SLC17A1: variants seen among roughly 807,000 people sequenced by gnomAD.
SLC17A1 encodes the protein sodium-dependent phosphate transport protein 1.
A neutral mutation model predicts 53.5 loss-of-function variants in SLC17A1; 51 were observed. The observed-to-expected ratio is 0.95, with a 90% CI of 0.76 to 1.20. SLC17A1 has a LOEUF of 1.20. SLC17A1 is among the 50% of genes most tolerant of loss of function. The probability of loss-of-function intolerance (pLI) is 0.00; values close to 1 mark genes in which losing one functional copy is unlikely to be tolerated. For synonymous variants in SLC17A1, 179 were observed against 198.8 expected (o/e 0.90, Z 0.84); for missense variants, 538 against 568.2 (o/e 0.95, Z 0.54).
chr6:25,769,136 C>T, the SLC17A1 span: 2 of 1,613,976 alleles, frequency 1.2e-6, no homozygotes, highest in African/African-American at 1.3e-5. Flanking sequence ...CAGAACGGCC[C>T]TCCACTGACT....
chr6:25,732,737 A>G, the SLC17A1 span: 2 of 1,198,600 alleles, frequency 1.7e-6, no homozygotes, highest in Non-Finnish European at 2.4e-6. Flanking sequence ...CCGAGTGACA[A>G]TGGCTTAGGG....
the SLC17A1 span, among the ~76,000 whole-genome samples, chr6:25,769,658 A>G: frequency 1.5e-3 from 236 of 152,300 alleles, no homozygotes; most frequent in African/African-American, 5.0e-3. Flanking sequence ...GAGTGTAACC[A>G]GGGACTAAGT....
intron 12 of SLC17A1, among the ~76,000 whole-genome samples, chr6:25,785,941 T>C (rs2151472883): frequency 6.6e-6 from 1 of 152,258 alleles, no homozygotes; most frequent in African/African-American, 2.4e-5. Context: ...AAACCTAGAA[T>C]TACCACATGA....
chr6:25,813,005 T>C lies in SLC17A1; in HGVS notation c.736-13A>G, dbSNP rs776743841. On this transcript the variant is annotated splice_polypyrimidine_tract_variant and intron_variant, in intron 7 of 12. Transcript: ENST00000244527. ...TACTTGAACTGACCTGGAGAGAAATTCATTAAGAATTAGCACATTAGAACA... is the reference window on the plus strand; with the variant it reads ...TACTTGAACTGACCTGGAGAGAAATCCATTAAGAATTAGCACATTAGAACA... 1.9e-6 allele frequency: 3 copies of C among 1,613,700 alleles called. No homozygotes were observed. In the South Asian group the frequency reaches 3.3e-5, roughly 18 times the overall value.
At chr6:25,799,371 A>G (rs1206028990) in intron 11 of SLC17A1, among the ~76,000 whole-genome samples, 1 of 151,500 alleles carries the variant, frequency 6.6e-6, no homozygotes, top group Non-Finnish European at 1.5e-5. Context: ...ATTATTTCAT[A>G]TTTTCCATTG....
Position 25,829,552 on chromosome 6 carries a change from G to C in SLC17A1, c.34+972C>G, listed in dbSNP as rs532277407. ...AGTCATTGTCACCATGTCAGAGAAG[G>C]GCTCATTGTCTTAGTCATTTAGGGG... On this transcript the variant is annotated intron_variant, in intron 2 of 12. Transcript: ENST00000244527. 1.1e-4 allele frequency among the ~76,000 whole-genome samples: 16 copies of C among 152,184 alleles called. No homozygotes were observed. In the South Asian group the frequency reaches 2.9e-3, roughly 28 times the overall value.
intron 12 of SLC17A1, among the ~76,000 whole-genome samples, chr6:25,784,366 C>CAAG (rs910732374): frequency 6.6e-6 from 1 of 152,082 alleles, no homozygotes; most frequent in Non-Finnish European, 1.5e-5. Context: ...GCAGGCTGTA[C>CAAG]AAGAAGCATG....
chr6:25,725,007 G>T, the SLC17A1 span, among the ~76,000 whole-genome samples: 2 of 113,094 alleles, frequency 1.8e-5, no homozygotes, highest in East Asian at 2.7e-4. Flanking sequence ...TTTTTTTTTG[G>T]TAACCAAATG....
At chr6:25,765,795 G>T in the SLC17A1 span, among the ~76,000 whole-genome samples, 3 of 152,070 alleles carry the variant, frequency 2.0e-5, 1 homozygote, top group South Asian at 6.2e-4. Context: ...CAACTTCAAA[G>T]AAATTACATA....
chr6:25,791,015 A>C (rs1429024413), intron 12 of SLC17A1, among the ~76,000 whole-genome samples: 2 of 152,216 alleles, frequency 1.3e-5, no homozygotes, highest in East Asian at 3.8e-4. Context: ...AGAAAATATA[A>C]GATAACAACC....
chr6:25,778,087 G>A (rs769894042), downstream of SLC17A1: 399 of 1,122,918 alleles, frequency 3.6e-4, 1 homozygote, highest in Non-Finnish European at 4.8e-4. Flanking sequence ...ACATATGCAC[G>A]GCCTTGTATC....
chr6:25,813,214 C>A lies in SLC17A1; in HGVS notation c.617-1G>T. 1 of 1,612,784 alleles carries A rather than the reference C, an allele frequency of 6.2e-7. No homozygotes were observed. Among genetic ancestry groups the A allele is most frequent in the Non-Finnish European group, 8.5e-7 (1 of 1,178,758 alleles). On this transcript the variant is annotated splice_acceptor_variant, in intron 6 of 12. Coordinates refer to ENST00000244527, the MANE Select transcript of SLC17A1 (RefSeq NM_005074.5). LOFTEE classifies it high-confidence loss of function. ...AGACATACGGCACAGCCACAAGCACCTATCAAAGCAGGGTAAGTTAGAATT... is the reference window on the plus strand; with the variant it reads ...AGACATACGGCACAGCCACAAGCACATATCAAAGCAGGGTAAGTTAGAATT...
At chr6:25,831,152 G>C (rs529406019) in intron 1 of SLC17A1, among the ~76,000 whole-genome samples, 3 of 152,258 alleles carry the variant, frequency 2.0e-5, no homozygotes, top group South Asian at 4.1e-4. Context: ...GCCCCTGTCC[G>C]TATCTTCAGT....
At chr6:25,728,540 G>A in the SLC17A1 span, among the ~76,000 whole-genome samples, 1 of 152,122 alleles carries the variant, frequency 6.6e-6, no homozygotes, top group Admixed American at 6.5e-5. Context: ...GTACCGGCCG[G>A]CGCGGTGGCT....
the SLC17A1 span, among the ~76,000 whole-genome samples, chr6:25,733,987 T>C: frequency 6.6e-6 from 1 of 152,070 alleles, no homozygotes; most frequent in Non-Finnish European, 1.5e-5. Flanking sequence ...GCTAGTTTTT[T>C]GTATTTTTAG....
the SLC17A1 span, among the ~76,000 whole-genome samples, chr6:25,760,233 T>C: frequency 6.6e-6 from 1 of 152,248 alleles, no homozygotes; most frequent in South Asian, 2.1e-4. Context: ...TTAATCTATA[T>C]TCATATATTA....
chr6:25,798,734 T>C lies in SLC17A1; in HGVS notation c.*2+49A>G, dbSNP rs764326660. 6 of 1,542,640 alleles carry C rather than the reference T, an allele frequency of 3.9e-6. No homozygotes were observed. The Admixed American group carries it at 1.0e-4, about 26-fold the overall frequency. On this transcript the variant is annotated intron_variant, in intron 12 of 12. Transcript: ENST00000244527. ...AGGAGTCATCCTTATCTCCTCTGTC[T>C]CCTGCATTCCCAGTTTCAAAAATTG...
chr6:25,831,022 T>A (rs1335806285), intron 1 of SLC17A1, among the ~76,000 whole-genome samples: 1 of 151,988 alleles, frequency 6.6e-6, no homozygotes, highest in Non-Finnish European at 1.5e-5. Context: ...AGAAAAGGAG[T>A]AAGCAAAGGT....
At chr6:25,801,644 C>T (rs1465719168) in intron 10 of SLC17A1, among the ~76,000 whole-genome samples, 1 of 152,204 alleles carries the variant, frequency 6.6e-6, no homozygotes, top group Non-Finnish European at 1.5e-5. Context: ...TAGATTTCAT[C>T]ATTAAAGTTC....
Sources: gnomAD v4.1 joint callset for allele counts (sites outside exome capture counted in the v4.1 genomes callset) on GRCh38, gnomAD v4.1.1 for gene constraint, MANE v1.5 for transcripts, NCBI Gene and HGNC (gene_info 2026-07-23, HGNC 2026-07-21) for gene names.